The following GLRA2 variants were observed in gnomAD, a reference collection of about 807,000 sequenced individuals.
GLRA2 encodes the protein glycine receptor alpha 2, also known as glycine receptor subunit alpha-2.
GLRA2 carries 11 observed loss-of-function variants against 31.6 expected under a neutral mutation model. That is an observed-to-expected ratio of 0.35 (90% CI 0.22 to 0.58). GLRA2 has a LOEUF of 0.58. Ranked by LOEUF, GLRA2 falls within the 20% of genes least tolerant of loss-of-function variation. The pLI is 0.84. For missense variants in GLRA2, 212 were observed against 351.8 expected (o/e 0.60, Z 3.18); for synonymous variants, 132 against 134.0 (o/e 0.99, Z 0.10).
At chrX:14,708,662 C>T (rs2091665906) in intron 8 of GLRA2, among the ~76,000 whole-genome samples, 1 of 111,758 alleles carries the variant, frequency 8.9e-6, no homozygotes. Context: ...TCAGGCCAGG[C>T]GCGGTGGCTC....
the GLRA2 span, among the ~76,000 whole-genome samples, chrX:14,506,826 C>A: frequency 3.6e-5 from 4 of 111,470 alleles, no homozygotes; most frequent in Admixed American, 9.5e-5. Flanking sequence ...TGGGTGTAAT[C>A]AAACTCTATG....
At chrX:14,586,647 T>C (rs1173487376) in intron 4 of GLRA2, among the ~76,000 whole-genome samples, 1 of 112,061 alleles carries the variant, frequency 8.9e-6, no homozygotes, top group Non-Finnish European at 1.9e-5. Flanking sequence ...CATACTGAAA[T>C]AGTGAGGTGA....
chrX:14,620,934 C>T (rs2090507757), intron 7 of GLRA2, among the ~76,000 whole-genome samples: 1 of 111,593 alleles, frequency 9.0e-6, no homozygotes, highest in Admixed American at 9.5e-5. Flanking sequence ...TTCCACGACG[C>T]TTTCTTGCTT....
chrX:14,579,297 C>T (rs942487231), intron 3 of GLRA2, among the ~76,000 whole-genome samples: 10 of 110,159 alleles, frequency 9.1e-5, no homozygotes, highest in Admixed American at 2.9e-4. Flanking sequence ...TTATTTTTGA[C>T]TTCTTAAGGA....
At chrX:14,481,708 G>A in the GLRA2 span, among the ~76,000 whole-genome samples, 1 of 111,016 alleles carries the variant, frequency 9.0e-6, no homozygotes, top group African/African-American at 3.3e-5. Flanking sequence ...GATTGTAAAT[G>A]AGTTCCATAA....
the GLRA2 span, among the ~76,000 whole-genome samples, chrX:14,492,017 T>C: frequency 2.7e-5 from 3 of 111,158 alleles, no homozygotes; most frequent in African/African-American, 9.8e-5. Context: ...GTCATTCTAG[T>C]AGAACTGTGA....
intron 7 of GLRA2, among the ~76,000 whole-genome samples, chrX:14,684,577 C>G (rs1247349363): frequency 2.7e-5 from 3 of 111,490 alleles, no homozygotes; most frequent in African/African-American, 9.8e-5. Flanking sequence ...CTCTTTGAAG[C>G]AATTGTGAAT....
At chrX:14,528,834 T>C (rs1321833528), upstream of GLRA2, among the ~76,000 whole-genome samples, 1 of 111,452 alleles carries the variant, frequency 9.0e-6, no homozygotes, top group Admixed American at 9.5e-5. Flanking sequence ...TGCCGGCCCA[T>C]TGTCTCATTT....
At chrX:14,589,227 CTT>C (rs1262949748) in intron 4 of GLRA2, among the ~76,000 whole-genome samples, 2 of 110,584 alleles carry the variant, frequency 1.8e-5, no homozygotes, top group Non-Finnish European at 3.8e-5. Context: ...ATAGATTGCT[CTT>C]ATTATTTTGA....
chrX:14,598,572 G>A (rs1337745953), intron 4 of GLRA2, among the ~76,000 whole-genome samples: 2 of 112,274 alleles, frequency 1.8e-5, no homozygotes, highest in African/African-American at 6.5e-5. Context: ...AACTTGATTT[G>A]TTTTATTTCT....
chrX:14,621,413 T>G lies in GLRA2; in HGVS notation c.930+12208T>G, dbSNP rs955044873. On this transcript the variant is annotated intron_variant, in intron 7 of 8. Coordinates refer to ENST00000218075, the MANE Select transcript of GLRA2 (RefSeq NM_002063.4). ...AGTTCTAGGGTGCATATGCACAATG[T>G]GCAGGTTTGTTACACATTTATACAT... Among the ~76,000 whole-genome samples the G allele has an allele frequency of 2.7e-5, 3 of 111,442 alleles. No individual in the cohort carries two copies. In the Middle Eastern group the frequency reaches 0.014, roughly 516 times the overall value.
At chrX:14,641,698 C>T (rs2090775974) in intron 7 of GLRA2, among the ~76,000 whole-genome samples, 1 of 111,228 alleles carries the variant, frequency 9.0e-6, no homozygotes, top group Non-Finnish European at 1.9e-5. Context: ...TCATTGTGTC[C>T]GTTAAGGTTA....
chrX:14,538,497 A>G (rs1009702021), intron 2 of GLRA2, among the ~76,000 whole-genome samples: 3 of 111,558 alleles, frequency 2.7e-5, no homozygotes, highest in Non-Finnish European at 5.7e-5. Flanking sequence ...TACCAGAGTA[A>G]CCATAATGTA....
chrX:14,681,910 A>AAAATATATATAT (rs758563376), intron 7 of GLRA2, among the ~76,000 whole-genome samples: 1 of 41,280 alleles, frequency 2.4e-5, no homozygotes, highest in Non-Finnish European at 4.4e-5. Flanking sequence ...AAAAAAAAAA[A>AAAATATATATAT]ATATATATAT....
At chrX:14,653,251 CTA>C (rs2090907615) in intron 7 of GLRA2, among the ~76,000 whole-genome samples, 1 of 111,518 alleles carries the variant, frequency 9.0e-6, no homozygotes, top group African/African-American at 3.3e-5. Flanking sequence ...TTTCATAAGA[CTA>C]TAGCTACCAT....
the GLRA2 span, among the ~76,000 whole-genome samples, chrX:14,487,114 TAAAA>T: frequency 9.1e-6 from 1 of 110,406 alleles, no homozygotes; most frequent in African/African-American, 3.3e-5. Context: ...ATATATTTAA[TAAAA>T]AACACAGCAA....
chrX:14,550,739 C>T (rs975820263), intron 2 of GLRA2, among the ~76,000 whole-genome samples: 4 of 112,005 alleles, frequency 3.6e-5, no homozygotes, highest in Non-Finnish European at 7.5e-5. Context: ...TTATACTTCT[C>T]AGTTGGCTTA....
the GLRA2 span, among the ~76,000 whole-genome samples, chrX:14,508,222 C>T: frequency 8.9e-6 from 1 of 112,367 alleles, no homozygotes; most frequent in Non-Finnish European, 1.9e-5. Flanking sequence ...CCAAAGCCAA[C>T]TGGCATTTCT....
chrX:14,475,937 A>G, the GLRA2 span, among the ~76,000 whole-genome samples: 1 of 111,705 alleles, frequency 9.0e-6, no homozygotes, highest in Non-Finnish European at 1.9e-5. Context: ...TGGCTAATAT[A>G]TATAATGCCT....
Sources: allele counts gnomAD v4.1 joint callset (sites outside exome capture counted in the v4.1 genomes callset), GRCh38; gene constraint gnomAD v4.1.1; transcripts MANE v1.5; gene names NCBI Gene and HGNC (gene_info 2026-07-23, HGNC 2026-07-21).